The following FRMD4A variants were observed in gnomAD, a reference collection of about 807,000 sequenced individuals.
FRMD4A encodes FERM domain containing 4A.
FRMD4A carries 29 observed loss-of-function variants against 129.1 expected under a neutral mutation model. The observed-to-expected ratio is 0.22, with a 90% CI of 0.17 to 0.31. The LOEUF is 0.31. FRMD4A is among the 10% of genes least tolerant of loss of function. The pLI is 1.00. For missense variants in FRMD4A, 1,272 were observed against 1,375.8 expected, an observed-to-expected ratio of 0.92 and a Z score of 1.19; for synonymous variants, 634 against 571.6, an observed-to-expected ratio of 1.11 and a Z score of -1.56.
At chr10:13,835,470 G>A (rs2093858297) in intron 3 of FRMD4A, among the ~76,000 whole-genome samples, 1 of 152,152 alleles carries the variant, frequency 6.6e-6, no homozygotes, top group African/African-American at 2.4e-5. Context: ...CAGGCGGTGA[G>A]TCGCAGGAGA....
At chr10:14,071,172 TCA>T (rs1270738949) in intron 2 of FRMD4A, among the ~76,000 whole-genome samples, 1 of 152,242 alleles carries the variant, frequency 6.6e-6, no homozygotes, top group East Asian at 1.9e-4. Context: ...CTTTTAGATC[TCA>T]GTTTCTCAGA....
intron 15 of FRMD4A, among the ~76,000 whole-genome samples, chr10:13,687,578 C>T (rs1223714824): frequency 1.3e-5 from 2 of 152,126 alleles, no homozygotes; most frequent in African/African-American, 4.8e-5. Context: ...TTTTAAAAGA[C>T]CCTGAACATG....
At chr10:13,751,273 G>A (rs898849978) in intron 8 of FRMD4A, among the ~76,000 whole-genome samples, 6 of 152,168 alleles carry the variant, frequency 3.9e-5, no homozygotes, top group African/African-American at 1.4e-4. Flanking sequence ...GAAGCCTGCA[G>A]TGAGTTCTCT....
At chr10:13,927,589 C>A (rs2095148236) in intron 2 of FRMD4A, among the ~76,000 whole-genome samples, 2 of 152,186 alleles carry the variant, frequency 1.3e-5, no homozygotes, top group Non-Finnish European at 2.9e-5. Context: ...CCAAAAAATA[C>A]CCTTTGCATG....
At chr10:14,127,974 CT>C (rs1554766233) in intron 2 of FRMD4A, among the ~76,000 whole-genome samples, 28 of 59,654 alleles carry the variant, frequency 4.7e-4, no homozygotes, top group African/African-American at 1.9e-3. Flanking sequence ...TTCTTTCTTT[CT>C]TTCCTTCTCT....
rs575079202 is a variant in FRMD4A, at chr10:14,134,478, G to T, written c.45+195580C>A. ...TGGGAGATAAGCACATGAATGGATA[G>T]ATATGTGGATATATGGGGGGATGAA... On this transcript the variant is annotated intron_variant, in intron 2 of 24. Transcript: ENST00000357447. Among the ~76,000 whole-genome samples, 3 of 151,802 alleles carry T rather than the reference G, an allele frequency of 2.0e-5. No individual in the cohort carries two copies. The South Asian group carries it at 6.3e-4, about 32-fold the overall frequency.
At chr10:13,690,448 G>T (rs569437663) in intron 15 of FRMD4A, among the ~76,000 whole-genome samples, 3 of 152,238 alleles carry the variant, frequency 2.0e-5, no homozygotes, top group Non-Finnish European at 4.4e-5. Flanking sequence ...AGGGGTGCTA[G>T]AAATTCCCTT....
At chr10:14,284,419 C>T (rs555805642) in intron 2 of FRMD4A, among the ~76,000 whole-genome samples, 3 of 152,206 alleles carry the variant, frequency 2.0e-5, no homozygotes, top group East Asian at 1.9e-4. Context: ...GAGGCCGAGG[C>T]GGATGGATCA....
At chr10:13,828,342 A>G (rs1037106336) in intron 3 of FRMD4A, among the ~76,000 whole-genome samples, 1 of 152,118 alleles carries the variant, frequency 6.6e-6, no homozygotes, top group African/African-American at 2.4e-5. Context: ...ACCAATGTCT[A>G]TTATTCCACA....
At chr10:13,790,435 C>G (rs1278877100) in intron 5 of FRMD4A, among the ~76,000 whole-genome samples, 1 of 152,038 alleles carries the variant, frequency 6.6e-6, no homozygotes, top group Non-Finnish European at 1.5e-5. Flanking sequence ...TGAAATCACA[C>G]CAGGGGAAGG....
intron 12 of FRMD4A, among the ~76,000 whole-genome samples, chr10:13,731,491 A>G (rs1272925375): frequency 1.3e-5 from 2 of 152,132 alleles, no homozygotes; most frequent in African/African-American, 4.8e-5. Context: ...TCTACTAAAA[A>G]TACAAAAATT....
At chr10:13,910,625 C>T (rs2094930510) in intron 2 of FRMD4A, among the ~76,000 whole-genome samples, 1 of 152,100 alleles carries the variant, frequency 6.6e-6, no homozygotes, top group African/African-American at 2.4e-5. Context: ...TTTTCTTTTG[C>T]TAAATGTATG....
intron 3 of FRMD4A, among the ~76,000 whole-genome samples, chr10:13,855,139 A>G (rs1418514900): frequency 6.6e-6 from 1 of 152,230 alleles, no homozygotes; most frequent in African/African-American, 2.4e-5. Context: ...AATAAGCATG[A>G]AACATTAGGA....
chr10:14,083,500 C>G (rs545982460), intron 2 of FRMD4A: 1 of 152,302 alleles, frequency 6.6e-6, no homozygotes, highest in Admixed American at 6.5e-5. Flanking sequence ...TGTCTCCATT[C>G]GGTTTTGTCT....
chr10:14,185,608 C>G (rs181995659), intron 2 of FRMD4A, among the ~76,000 whole-genome samples: 20 of 140,370 alleles, frequency 1.4e-4, no homozygotes, highest in Non-Finnish European at 2.5e-4. Flanking sequence ...GGTAGAGAGA[C>G]AGAAAGGGGA....
At chr10:13,783,681 A>G (rs1240449224) in intron 5 of FRMD4A, among the ~76,000 whole-genome samples, 1 of 152,014 alleles carries the variant, frequency 6.6e-6, no homozygotes, top group Non-Finnish European at 1.5e-5. Context: ...TTGGATTTTT[A>G]AAAGATAATT....
intron 2 of FRMD4A, among the ~76,000 whole-genome samples, chr10:13,881,894 A>G (rs2094550006): frequency 1.3e-5 from 2 of 151,582 alleles, no homozygotes; most frequent in African/African-American, 4.9e-5. Context: ...GGTGCGTCCC[A>G]GGCAGGAAAG....
At chr10:13,834,591 T>C (rs1265079541) in intron 3 of FRMD4A, among the ~76,000 whole-genome samples, 3 of 152,188 alleles carry the variant, frequency 2.0e-5, no homozygotes, top group South Asian at 2.1e-4. Context: ...AAGAAAACTT[T>C]TGAAGAACTG....
intron 2 of FRMD4A, among the ~76,000 whole-genome samples, chr10:13,924,743 C>G (rs776105240): frequency 2.6e-5 from 4 of 152,052 alleles, no homozygotes; most frequent in Non-Finnish European, 5.9e-5. Flanking sequence ...TTATTCTCGG[C>G]GTTATCCCTG....
Sources: gnomAD v4.1 joint callset for allele counts (sites outside exome capture counted in the v4.1 genomes callset) on GRCh38, gnomAD v4.1.1 for gene constraint, MANE v1.5 for transcripts, NCBI Gene and HGNC (gene_info 2026-07-23, HGNC 2026-07-21) for gene names.